DPP10: variants seen among roughly 807,000 people sequenced by gnomAD.
The protein encoded by DPP10 is dipeptidyl peptidase like 10.
A neutral mutation model predicts 120.9 loss-of-function variants in DPP10; 33 were observed. That is an observed-to-expected ratio of 0.27 (90% CI 0.21 to 0.37). The LOEUF is 0.37. Ranked by LOEUF, DPP10 falls within the 10% of genes least tolerant of loss-of-function variation. The probability of loss-of-function intolerance (pLI) is 1.00; values close to 1 mark genes in which losing one functional copy is unlikely to be tolerated. For missense variants in DPP10, 816 were observed against 942.8 expected (o/e 0.87, Z 1.76); for synonymous variants, 337 against 326.1 (o/e 1.03, Z -0.36).
At chr2:115,587,089 C>CTTTTTTTTTTTTTTTTT (rs756810925) in intron 5 of DPP10, among the ~76,000 whole-genome samples, 75 of 103,916 alleles carry the variant, frequency 7.2e-4, no homozygotes, top group African/African-American at 1.5e-3. Flanking sequence ...TTTTCTCTTT[C>CTTTTTTTTTTTTTTTTT]TTTTTTTTTT....
chr2:114,782,107 C>T (rs1558736063), intron 1 of DPP10, among the ~76,000 whole-genome samples: 1 of 151,928 alleles, frequency 6.6e-6, no homozygotes. Context: ...GCTTTTGAAG[C>T]CAGCCTCAAC....
intron 1 of DPP10, among the ~76,000 whole-genome samples, chr2:114,596,294 T>C (rs1354360322): frequency 1.3e-5 from 2 of 148,416 alleles, no homozygotes; most frequent in Non-Finnish European, 3.0e-5. Flanking sequence ...TACAAGCTGT[T>C]CCATAGCAAG....
At chr2:115,332,582 A>G (rs930514943) in intron 2 of DPP10, among the ~76,000 whole-genome samples, 2 of 152,234 alleles carry the variant, frequency 1.3e-5, no homozygotes, top group East Asian at 1.9e-4. Flanking sequence ...ATTTCCCGCT[A>G]CACACTGCTT....
intron 1 of DPP10, among the ~76,000 whole-genome samples, chr2:115,183,633 T>C (rs902254791): frequency 6.6e-5 from 10 of 152,204 alleles, no homozygotes; most frequent in African/African-American, 2.4e-4. Context: ...TTAAGTTGAT[T>C]GGTATTTATA....
chr2:115,330,978 T>C (rs1328859184), intron 2 of DPP10, among the ~76,000 whole-genome samples: 1 of 152,190 alleles, frequency 6.6e-6, no homozygotes. Context: ...CATTGGTAAC[T>C]TGATGGGGAT....
intron 1 of DPP10, among the ~76,000 whole-genome samples, chr2:114,589,830 A>G (rs72953504): frequency 0.15 from 22,233 of 150,656 alleles, 2,032 homozygotes; most frequent in African/African-American, 0.26. Flanking sequence ...AAAAACTCCA[A>G]CCTCTTGGTG....
intron 1 of DPP10, among the ~76,000 whole-genome samples, chr2:115,212,527 C>T (rs2056582120): frequency 6.6e-6 from 1 of 151,854 alleles, no homozygotes; most frequent in African/African-American, 2.4e-5. Context: ...ACTCTTTTAG[C>T]GTATGAGACA....
chr2:115,820,987 G>A (rs1441018811), intron 21 of DPP10, among the ~76,000 whole-genome samples: 1 of 152,122 alleles, frequency 6.6e-6, no homozygotes, highest in East Asian at 1.9e-4. Context: ...ATACCCAATA[G>A]TGGGATTGCT....
intron 1 of DPP10, among the ~76,000 whole-genome samples, chr2:115,026,140 G>T (rs886123038): frequency 1.3e-5 from 2 of 152,024 alleles, no homozygotes; most frequent in African/African-American, 2.4e-5. Flanking sequence ...TCTTTTAGTA[G>T]TTTCATAGTT....
chr2:114,827,065 T>C (rs1686615654), intron 1 of DPP10, among the ~76,000 whole-genome samples: 2 of 151,818 alleles, frequency 1.3e-5, no homozygotes, highest in Admixed American at 1.3e-4. Context: ...GTTTTATGGC[T>C]TGTTTGGGGG....
At chr2:114,469,008 C>CA (rs1679671167) in intron 1 of DPP10, among the ~76,000 whole-genome samples, 2 of 152,044 alleles carry the variant, frequency 1.3e-5, no homozygotes, top group Non-Finnish European at 1.5e-5. Flanking sequence ...CAGAAGTTGA[C>CA]AGAGATAGCA....
At chr2:115,200,547 G>T (rs1251610870) in intron 1 of DPP10, among the ~76,000 whole-genome samples, 4 of 152,204 alleles carry the variant, frequency 2.6e-5, no homozygotes, top group Admixed American at 2.6e-4. Flanking sequence ...TTATGCGGAA[G>T]AATAAGACTT....
intron 1 of DPP10, among the ~76,000 whole-genome samples, chr2:115,184,712 C>T (rs889701306): frequency 1.3e-5 from 2 of 152,182 alleles, no homozygotes; most frequent in Non-Finnish European, 2.9e-5. Flanking sequence ...TTCAAACATT[C>T]GTACAGGAGA....
chr2:114,849,099 T>A (rs1688758517), intron 1 of DPP10, among the ~76,000 whole-genome samples: 1 of 152,144 alleles, frequency 6.6e-6, no homozygotes, highest in Non-Finnish European at 1.5e-5. Flanking sequence ...TAAGTGGAAC[T>A]TCTTAGTGCC....
rs371424660 is a variant in DPP10 at position 114,826,053 on chromosome 2, A to G, written c.60+383215A>G. Among the ~76,000 whole-genome samples, 15 of 152,370 alleles carry G rather than the reference A, an allele frequency of 9.8e-5. No homozygotes were observed. In the South Asian group the frequency reaches 3.1e-3, roughly 32 times the overall value. Reference sequence around the variant, plus strand: ...CAAACTCAAAGGCAGATAGCAAAGCATCTGGAAATGGGCAGATCAAAATGT... The same window carrying G: ...CAAACTCAAAGGCAGATAGCAAAGCGTCTGGAAATGGGCAGATCAAAATGT... On this transcript the variant is annotated intron_variant, in intron 1 of 25. Transcript: ENST00000410059.
At chr2:114,666,935 A>C (rs1697967979) in intron 1 of DPP10, among the ~76,000 whole-genome samples, 1 of 152,174 alleles carries the variant, frequency 6.6e-6, no homozygotes, top group Non-Finnish European at 1.5e-5. Context: ...TTCTATTTTC[A>C]AGCATTCTCT....
chr2:114,684,607 G>A (rs1361255950), intron 1 of DPP10, among the ~76,000 whole-genome samples: 2 of 151,892 alleles, frequency 1.3e-5, no homozygotes, highest in African/African-American at 4.8e-5. Flanking sequence ...GCCAGGCTTT[G>A]GTCTTACCCA....
chr2:114,597,935 C>T (rs954881268), intron 1 of DPP10, among the ~76,000 whole-genome samples: 1 of 151,814 alleles, frequency 6.6e-6, no homozygotes, highest in South Asian at 2.1e-4. Flanking sequence ...GTATGCAGTA[C>T]AATAATCTGG....
chr2:114,597,230 A>G (rs150559717), intron 1 of DPP10, among the ~76,000 whole-genome samples: 122 of 152,160 alleles, frequency 8.0e-4, no homozygotes, highest in African/African-American at 2.8e-3. Flanking sequence ...AAAACCAAGA[A>G]GAGTAATTTG....
Sources: gnomAD v4.1 joint callset for allele counts (sites outside exome capture counted in the v4.1 genomes callset) on GRCh38, gnomAD v4.1.1 for gene constraint, MANE v1.5 for transcripts, NCBI Gene and HGNC (gene_info 2026-07-23, HGNC 2026-07-21) for gene names.